The following ITGA1 variants were observed in gnomAD, a reference collection of about 807,000 sequenced individuals.
The protein encoded by ITGA1 is integrin subunit alpha 1.
ITGA1 carries 85 observed loss-of-function variants against 145.9 expected under a neutral mutation model. That is an observed-to-expected ratio of 0.58 (90% CI 0.49 to 0.70). The LOEUF is 0.70. Ranked by LOEUF, ITGA1 falls within the 30% of genes least tolerant of loss-of-function variation. The pLI, the probability that ITGA1 is intolerant of heterozygous loss-of-function variation, is 0.00. For missense variants in ITGA1, 1,351 were observed against 1,418.7 expected (o/e 0.95, Z 0.77); for synonymous variants, 520 against 495.3 (o/e 1.05, Z -0.66).
chr5:52,809,502 C>CTTT (rs59067853), intron 1 of ITGA1, among the ~76,000 whole-genome samples: 7 of 122,398 alleles, frequency 5.7e-5, no homozygotes, highest in African/African-American at 1.2e-4. Flanking sequence ...CTCAACTTTA[C>CTTT]TTTTTTTTTT....
intron 2 of ITGA1, among the ~76,000 whole-genome samples, chr5:52,854,998 A>G (rs982480216): frequency 2.0e-5 from 3 of 152,218 alleles, no homozygotes; most frequent in African/African-American, 7.2e-5. Flanking sequence ...ATAAAACGTA[A>G]TAAGTTAAAA....
intron 6 of ITGA1, among the ~76,000 whole-genome samples, chr5:52,873,643 A>G (rs556336197): frequency 3.2e-4 from 49 of 152,218 alleles, no homozygotes; most frequent in Non-Finnish European, 6.2e-4. Flanking sequence ...TTATCACTAC[A>G]TTTATATCCT....
chr5:52,862,369 T>G (rs1749621188), intron 3 of ITGA1, among the ~76,000 whole-genome samples: 1 of 152,162 alleles, frequency 6.6e-6, no homozygotes, highest in Admixed American at 6.5e-5. Flanking sequence ...TCATTTATAA[T>G]CTATAATCAT....
intron 1 of ITGA1, chr5:52,802,211 G>C (rs1462538277): frequency 6.0e-6 from 1 of 167,838 alleles, no homozygotes; most frequent in Admixed American, 5.9e-5. Context: ...CTTAGAAAAA[G>C]CTTTTGCTAT....
intron 1 of ITGA1, among the ~76,000 whole-genome samples, chr5:52,818,978 C>T (rs1748822156): frequency 6.6e-6 from 1 of 152,090 alleles, no homozygotes. Context: ...AGTTAGATGA[C>T]CCCAATCCCT....
intron 1 of ITGA1, chr5:52,801,724 A>T (rs751455942): frequency 7.4e-6 from 12 of 1,614,062 alleles, no homozygotes; most frequent in Non-Finnish European, 1.0e-5. Flanking sequence ...GATATTCTCT[A>T]GTCTTCACGT....
intron 1 of ITGA1, chr5:52,801,180 C>A: frequency 6.8e-7 from 1 of 1,471,552 alleles, no homozygotes; most frequent in Non-Finnish European, 9.2e-7. Flanking sequence ...ATAAACTACT[C>A]CTAAAGTTTT....
At chr5:52,947,198 G>T (rs1052243922) in intron 27 of ITGA1, 147 bp from the exon 28 acceptor site, 5 of 557,390 alleles carry the variant, frequency 9.0e-6, no homozygotes, top group Middle Eastern at 4.4e-4. Flanking sequence ...TAGATGAAGA[G>T]CATTTTCTAA....
At chr5:52,882,092 A>T (rs1453272652) in intron 7 of ITGA1, 71 bp downstream of exon 7, 2 of 1,318,158 alleles carry the variant, frequency 1.5e-6, no homozygotes, top group African/African-American at 3.0e-5. Flanking sequence ...GCCTTTTGGC[A>T]TATCAATTGA....
At chr5:52,888,334 C>T (rs969247176) in intron 8 of ITGA1, among the ~76,000 whole-genome samples, 46 of 151,922 alleles carry the variant, frequency 3.0e-4, no homozygotes, top group Admixed American at 2.2e-3. Flanking sequence ...GGTGGGAAGG[C>T]GGGAAAAATG....
intron 7 of ITGA1, among the ~76,000 whole-genome samples, chr5:52,884,951 G>T (rs572128375): frequency 2.0e-4 from 31 of 152,106 alleles, no homozygotes; most frequent in Non-Finnish European, 4.0e-4. Context: ...AGGTTTCCAG[G>T]TACCCACGAT....
Position 52,922,766 on chromosome 5 carries a change from T to C in ITGA1, c.2293-11T>C, listed in dbSNP as rs1311081575. The C allele has an allele frequency of 1.3e-6, 2 of 1,542,180 alleles. No homozygotes were observed. The highest frequency in any genetic ancestry group is 2.2e-5 in the South Asian group (2 of 89,194). On this transcript the variant is annotated splice_polypyrimidine_tract_variant and intron_variant, in intron 17 of 28. Coordinates refer to ENST00000282588, the MANE Select transcript of ITGA1 (RefSeq NM_181501.2). ...TGATACCAGTGATATATTTTATGTT[T>C]CACCCTCTAGGACAAGCATGACTTT...
At chr5:52,910,020 G>A in intron 13 of ITGA1, 142 bp from the exon 14 acceptor site, 1 of 738,138 alleles carries the variant, frequency 1.4e-6, no homozygotes, top group Non-Finnish European at 2.2e-6. Flanking sequence ...TCTCAGATAG[G>A]CACACTTTTT....
intron 12 of ITGA1, among the ~76,000 whole-genome samples, chr5:52,906,428 T>C (rs1158532419): frequency 6.6e-6 from 1 of 152,198 alleles, no homozygotes; most frequent in Non-Finnish European, 1.5e-5. Flanking sequence ...TTGTCTGTAA[T>C]ATTTAAAATT....
In ITGA1 at chr5:52,893,630, A is replaced by C. The variant is rs371905583; in HGVS notation, c.925-45A>C. The C allele has an allele frequency of 1.6e-4, 240 of 1,545,214 alleles. 1 individual carries two copies. The South Asian group carries it at 1.7e-3, about 11-fold the overall frequency. Reference sequence around the variant, plus strand: ...AAATGCTTGAGATCCTTTATTTAACACATAGAATTTAAAATATATTCTTGC... The same window carrying C: ...AAATGCTTGAGATCCTTTATTTAACCCATAGAATTTAAAATATATTCTTGC... On this transcript the variant is annotated intron_variant, in intron 8 of 28. Transcript: ENST00000282588.
chr5:52,910,956 A>ATATGGTATG, intron 14 of ITGA1, among the ~76,000 whole-genome samples: 1 of 133,900 alleles, frequency 7.5e-6, no homozygotes, highest in African/African-American at 2.8e-5. Flanking sequence ...TATATAGTAT[A>ATATGGTATG]TACACTATAT....
Position 52,881,981 on chromosome 5 carries a change from G to A in ITGA1, c.733G>A (p.Gly245Ser). Residue 245 changes from glycine to serine, a missense_variant, in exon 7 of 29, where the codon GGC (glycine) becomes AGC (serine). Gly to Ser is a moderately conservative substitution (Grantham distance 56, BLOSUM62 0). Coordinates refer to ENST00000282588, the MANE Select transcript of ITGA1 (RefSeq NM_181501.2). ...VAAKKIVQRG[G>S]RQTMTALGID... ...AGCAAAGAAAATAGTCCAGAGAGGT[G>A]GCCGCCAGACTATGACAGCTCTTGG... is the stretch of plus-strand genomic sequence containing the variant. The A allele has an allele frequency of 1.2e-6, 2 of 1,613,518 alleles. No homozygotes were observed. The highest frequency in any genetic ancestry group is 1.7e-6 in the Non-Finnish European group (2 of 1,179,692).
intron 1 of ITGA1, chr5:52,801,880 A>G (rs946313926): frequency 4.1e-6 from 6 of 1,445,908 alleles, no homozygotes; most frequent in Non-Finnish European, 5.6e-6. Context: ...GTGTTTCCTA[A>G]ACTGTTACAG....
chr5:52,894,764 G>A (rs1750200855), intron 9 of ITGA1, among the ~76,000 whole-genome samples: 1 of 152,048 alleles, frequency 6.6e-6, no homozygotes, highest in Non-Finnish European at 1.5e-5. Flanking sequence ...CACTTTCTCA[G>A]TTTCCCTGAT....
Sources: gnomAD v4.1 joint callset for allele counts (sites outside exome capture counted in the v4.1 genomes callset) on GRCh38, gnomAD v4.1.1 for gene constraint, MANE v1.5 for transcripts, NCBI Gene and HGNC (gene_info 2026-07-23, HGNC 2026-07-21) for gene names.